The following ZNF430 variants were observed in gnomAD, a reference collection of about 807,000 sequenced individuals.
ZNF430 encodes the protein zinc finger protein 430.
In ZNF430, 35 loss-of-function variants were observed where a neutral mutation model predicts 56.7. That is an observed-to-expected ratio of 0.62 (90% CI 0.47 to 0.82). ZNF430 has a LOEUF of 0.82. ZNF430 is among the 40% of genes least tolerant of loss of function. The pLI is 0.00. For synonymous variants in ZNF430, 212 were observed against 224.3 expected, an observed-to-expected ratio of 0.94 and a Z score of 0.49; for missense variants, 574 against 661.0, an observed-to-expected ratio of 0.87 and a Z score of 1.44.
chr19:21,056,233 A>G (rs964969052), intron 4 of ZNF430, among the ~76,000 whole-genome samples: 1 of 152,158 alleles, frequency 6.6e-6, no homozygotes, highest in African/African-American at 2.4e-5. Context: ...AAAGTGCGGT[A>G]ATCCCAGCAC....
intron 2 of ZNF430, among the ~76,000 whole-genome samples, chr19:21,030,743 T>C (rs938155012): frequency 2.0e-5 from 3 of 152,120 alleles, no homozygotes; most frequent in Non-Finnish European, 4.4e-5. Flanking sequence ...GAAACACGCA[T>C]TCATGAACCC....
intron 4 of ZNF430, among the ~76,000 whole-genome samples, chr19:21,038,060 T>C (rs950715129): frequency 6.6e-6 from 1 of 152,282 alleles, no homozygotes; most frequent in East Asian, 1.9e-4. Context: ...TTTTGAAGTA[T>C]AGCATAGTTA....
intron 4 of ZNF430, among the ~76,000 whole-genome samples, chr19:21,044,037 A>G (rs1293843253): frequency 6.7e-6 from 1 of 150,258 alleles, no homozygotes; most frequent in Non-Finnish European, 1.5e-5. Context: ...TCATCTGCAA[A>G]CACAGACAGT....
chr19:21,049,880 C>T (rs1490556586), intron 4 of ZNF430, among the ~76,000 whole-genome samples: 9 of 150,940 alleles, frequency 6.0e-5, no homozygotes, highest in Admixed American at 1.3e-4. Context: ...TCTCAGCTTT[C>T]GTTTTCTTTA....
chr19:21,047,816 A>G (rs1376819994), intron 4 of ZNF430, among the ~76,000 whole-genome samples: 1 of 152,168 alleles, frequency 6.6e-6, no homozygotes, highest in African/African-American at 2.4e-5. Context: ...CCCAGTCAGG[A>G]TGCATGAGAT....
chr19:21,042,317 T>C (rs1968116771), intron 4 of ZNF430, among the ~76,000 whole-genome samples: 1 of 152,202 alleles, frequency 6.6e-6, no homozygotes, highest in African/African-American at 2.4e-5. Flanking sequence ...TTCCTTTGGG[T>C]ATATACCCAG....
chr19:21,056,527 G>T, intron 4 of ZNF430, 104 bp from the exon 5 acceptor site: 1 of 823,836 alleles, frequency 1.2e-6, no homozygotes, highest in Non-Finnish European at 1.7e-6. Context: ...ATTTTGCTAT[G>T]CCATCTTGTT....
chr19:21,038,573 G>T (rs916917576), intron 4 of ZNF430, among the ~76,000 whole-genome samples: 1 of 151,958 alleles, frequency 6.6e-6, no homozygotes. Context: ...GGTTACAGGC[G>T]TGCACTACCA....
chr19:21,056,719 A>C lies in ZNF430; in HGVS notation c.411A>C (p.Lys137Asn), dbSNP rs1968385297. ...AAGTCATATTGAGAAGATATGGAAA[A>C]TGTGGACATGAAGATTTACAGTTAA... Reference protein sequence around the residue: ...FQEVILRRYGKCGHEDLQLRT... With the variant: ...FQEVILRRYGNCGHEDLQLRT... The change falls in exon 5 of 5, where the codon AAA becomes AAC. Residue 137 changes from lysine to asparagine, a missense_variant. Transcript: ENST00000261560. 3.7e-6 allele frequency: 6 copies of C among 1,610,356 alleles called. No individual in the cohort carries two copies. Among genetic ancestry groups the C allele is most frequent in the Non-Finnish European group, 5.1e-6 (6 of 1,178,090 alleles).
Position 21,059,682 on chromosome 19 carries a change from AAAT to A in ZNF430, c.*1665_*1667del, listed in dbSNP as rs1968437529. On this transcript the variant is annotated 3_prime_UTR_variant, in exon 5 of 5. Transcript: ENST00000261560. ...CTTGAAAAAATTACAGATTTTTTGTAAATAATGATGTAATTCAACTCTCAAAAT... is the reference window on the plus strand; with the variant it reads ...CTTGAAAAAATTACAGATTTTTTGTAAATGATGTAATTCAACTCTCAAAAT... 2.6e-5 allele frequency: 4 copies of A among 152,138 alleles called. No homozygotes were observed. Among genetic ancestry groups the A allele is most frequent in the Admixed American group, 6.6e-5 (1 of 15,264 alleles). 9.4% of individuals were successfully genotyped at this position (152,138 alleles called of 1,614,324 possible).
At chr19:21,047,925 G>C (rs1352210926) in intron 4 of ZNF430, among the ~76,000 whole-genome samples, 2 of 152,170 alleles carry the variant, frequency 1.3e-5, no homozygotes, top group Admixed American at 1.3e-4. Flanking sequence ...GGATTGCTCA[G>C]AGCCAGCAGG....
intron 4 of ZNF430, among the ~76,000 whole-genome samples, chr19:21,046,385 G>A (rs1184745346): frequency 6.6e-6 from 1 of 151,776 alleles, no homozygotes; most frequent in Non-Finnish European, 1.5e-5. Flanking sequence ...TTTTCATGGT[G>A]CTATCTGGTT....
intron 4 of ZNF430, among the ~76,000 whole-genome samples, chr19:21,050,127 G>A (rs554945333): frequency 6.6e-5 from 10 of 152,032 alleles, no homozygotes; most frequent in South Asian, 2.1e-4. Context: ...TGTGTGATCC[G>A]CCTGCCTCGG....
intron 4 of ZNF430, among the ~76,000 whole-genome samples, chr19:21,046,317 CA>C (rs60881206): frequency 0.56 from 61,386 of 110,100 alleles, 16,412 homozygotes; most frequent in East Asian, 0.73. Context: ...GACTCCATCT[CA>C]AAAAAAAAAA....
At chr19:21,052,375 T>G (rs1968297766) in intron 4 of ZNF430, among the ~76,000 whole-genome samples, 1 of 152,188 alleles carries the variant, frequency 6.6e-6, no homozygotes, top group South Asian at 2.1e-4. Flanking sequence ...CTTACTAATA[T>G]TCTGTCTTGT....
chr19:21,052,969 A>G (rs1968308316), intron 4 of ZNF430, among the ~76,000 whole-genome samples: 1 of 152,172 alleles, frequency 6.6e-6, no homozygotes, highest in Non-Finnish European at 1.5e-5. Flanking sequence ...TCATAGGCTG[A>G]CTACTATTGG....
intron 1 of ZNF430, among the ~76,000 whole-genome samples, chr19:21,022,568 C>T (rs568729364): frequency 9.2e-5 from 14 of 152,248 alleles, no homozygotes; most frequent in Admixed American, 3.3e-4. Context: ...TGTGCTTCTT[C>T]TCCTTGTATC....
chr19:21,058,306 T>C lies in ZNF430; in HGVS notation c.*285T>C. On this transcript the variant is annotated 3_prime_UTR_variant, in exon 5 of 5. Transcript: ENST00000261560. ...CTAAAAATACAAAATTAGCCATGCG[T>C]AGTGGTGCATGCCTGTAATCCCAGC... 1 of 340,040 alleles carries C rather than the reference T, an allele frequency of 2.9e-6. No homozygotes were observed. The highest frequency in any genetic ancestry group is 3.6e-5 in the South Asian group (1 of 27,724). 21.1% of individuals were successfully genotyped at this position (340,040 alleles called of 1,614,324 possible). A position where few individuals can be genotyped will look rare whatever the true frequency, so the allele number is the denominator to read the frequency against.
At position 21,057,265 on chromosome 19, in the gene ZNF430, T is replaced by G; in HGVS notation, c.957T>G (p.Cys319Trp). The change falls in exon 5 of 5, where the codon TGT (cysteine) becomes TGG (tryptophan). Residue 319 changes from cysteine (C) to tryptophan (W), a missense_variant. By Grantham distance (215) the Cys-to-Trp change is radical (BLOSUM62 -2). Transcript: ENST00000261560. ...ATACTGGAGAGAAACCCTACAGATG[T>G]GAAGAATGTGGCAGAGCTTTTAACC... ...RIHTGEKPYR[C>W]EECGRAFNRS... 1 of 1,613,346 alleles carries G rather than the reference T, an allele frequency of 6.2e-7. No homozygotes were observed.
Sources: allele counts gnomAD v4.1 joint callset (sites outside exome capture counted in the v4.1 genomes callset), GRCh38; gene constraint gnomAD v4.1.1; transcripts MANE v1.5; gene names NCBI Gene and HGNC (gene_info 2026-07-23, HGNC 2026-07-21).